Variants in IGF2R observed in about 807,000 individuals in gnomAD.
The protein encoded by IGF2R is cation-independent mannose-6-phosphate receptor.
Under a neutral mutation model 270.6 loss-of-function variants are expected in IGF2R, and 91 were observed. The observed-to-expected ratio is 0.34, with a 90% CI of 0.28 to 0.40. The LOEUF (loss-of-function observed/expected upper bound fraction) is 0.40, where lower values mean the gene tolerates loss of function less well. Ranked by LOEUF, IGF2R falls within the 10% of genes least tolerant of loss-of-function variation. The pLI, the probability that IGF2R is intolerant of heterozygous loss-of-function variation, is 1.00. For missense variants in IGF2R, 2,805 were observed against 3,188.3 expected, an observed-to-expected ratio of 0.88 and a Z score of 2.90; for synonymous variants, 1,316 against 1,258.9, an observed-to-expected ratio of 1.05 and a Z score of -0.96.
intron 7 of IGF2R, 38 bp from the exon 8 acceptor site, chr6:160,032,513 C>T (rs201236689): frequency 5.8e-5 from 92 of 1,587,568 alleles, no homozygotes; most frequent in Non-Finnish European, 7.1e-5. Flanking sequence ...CTGCATGAAA[C>T]ATTTTTTATT....
At position 160,063,485 on chromosome 6, in the gene IGF2R, C is replaced by T; in HGVS notation, c.3741C>T (p.Asp1247=). ...LYDLKPLGLN[D]TIVSAGEYTY... ...ACCTGAAGCCCCTGGGCCTCAACGA[C>T]ACCATCGTGAGCGCTGGCGAATACA... The change falls in exon 27 of 48, where the codon GAC becomes GAT. Residue 1247 remains aspartate (D), a synonymous_variant. Transcript: ENST00000356956. 6.2e-7 allele frequency: 1 copy of T among 1,613,792 alleles called. No homozygotes were observed. Among genetic ancestry groups the T allele is most frequent in the Non-Finnish European group, 8.5e-7 (1 of 1,180,030 alleles).
intron 22 of IGF2R, among the ~76,000 whole-genome samples, chr6:160,059,573 AAC>A (rs1778389026): frequency 6.6e-6 from 1 of 152,220 alleles, no homozygotes; most frequent in Non-Finnish European, 1.5e-5. Context: ...GCCTGTATTC[AAC>A]ACAGCAGTCA....
chr6:159,977,430 G>T (rs967299358), intron 1 of IGF2R, among the ~76,000 whole-genome samples: 12 of 152,316 alleles, frequency 7.9e-5, no homozygotes, highest in African/African-American at 2.9e-4. Context: ...GGCAGGATGT[G>T]CCTCTGTGGC....
intron 16 of IGF2R, 118 bp downstream of exon 16, chr6:160,047,454 A>AT (rs1778094859): frequency 1.1e-6 from 1 of 892,552 alleles, no homozygotes; most frequent in Non-Finnish European, 1.7e-6. Context: ...CCGTCATTAG[A>AT]TTTGCCAGGG....
At chr6:159,993,098 G>T (rs1583246798) in intron 2 of IGF2R, among the ~76,000 whole-genome samples, 1 of 152,052 alleles carries the variant, frequency 6.6e-6, no homozygotes, top group African/African-American at 2.4e-5. Flanking sequence ...TTTTAAAGGG[G>T]TTCTTTTTTT....
At chr6:159,982,893 T>C (rs915545719) in intron 1 of IGF2R, among the ~76,000 whole-genome samples, 5 of 152,224 alleles carry the variant, frequency 3.3e-5, no homozygotes, top group African/African-American at 1.2e-4. Context: ...TTACATACTT[T>C]AGATGCTAGC....
At chr6:160,043,727 T>G (rs1777999716) in intron 12 of IGF2R, among the ~76,000 whole-genome samples, 1 of 152,244 alleles carries the variant, frequency 6.6e-6, no homozygotes, top group Non-Finnish European at 1.5e-5. Context: ...CCTTTTGCTG[T>G]CATTGTTTTG....
intron 6 of IGF2R, among the ~76,000 whole-genome samples, chr6:160,028,865 C>T (rs186540377): frequency 1.1e-4 from 16 of 151,414 alleles, no homozygotes; most frequent in Admixed American, 5.3e-4. Flanking sequence ...CATTTACAAC[C>T]GTTTTTTGCT....
chr6:160,007,585 A>G (rs1784264103), intron 2 of IGF2R: 1 of 152,098 alleles, frequency 6.6e-6, no homozygotes, highest in Admixed American at 6.5e-5. Context: ...TTTTCTTTTC[A>G]TTGGATATTA....
At position 160,096,564 on chromosome 6, in the gene IGF2R, C is replaced by T; in HGVS notation, c.6781C>T (p.His2261Tyr). 6.2e-7 allele frequency: 1 copy of T among 1,614,180 alleles called. No homozygotes were observed. The highest frequency in any genetic ancestry group is 8.5e-7 in the Non-Finnish European group (1 of 1,180,016). ...GGAGGACGGGATCCCCGAGTTCAGT[C>T]ACGAGACTGCCGACTGCCAGTACCT... ...LVEDGIPEFSHETADCQYLFS... is the reference protein window; with the variant it reads ...LVEDGIPEFSYETADCQYLFS... Residue 2261 changes from histidine to tyrosine, a missense_variant, in exon 45 of 48, where the codon CAC becomes TAC. Coordinates refer to ENST00000356956, the MANE Select transcript of IGF2R (RefSeq NM_000876.4).
chr6:160,088,595 C>A (rs1779146115), intron 42 of IGF2R, among the ~76,000 whole-genome samples: 1 of 152,110 alleles, frequency 6.6e-6, no homozygotes, highest in Non-Finnish European at 1.5e-5. Context: ...GCTTGGCCAA[C>A]AGAGGGTGCA....
intron 1 of IGF2R, among the ~76,000 whole-genome samples, chr6:159,978,759 G>A (rs1226515999): frequency 2.0e-5 from 3 of 152,124 alleles, no homozygotes; most frequent in Non-Finnish European, 2.9e-5. Flanking sequence ...ACTTTCCTGT[G>A]ACTCCTCCAG....
At chr6:160,078,751 C>T (rs1778910038) in intron 37 of IGF2R, among the ~76,000 whole-genome samples, 1 of 152,160 alleles carries the variant, frequency 6.6e-6, no homozygotes, top group Admixed American at 6.5e-5. Flanking sequence ...TTTAATTCCT[C>T]CAACCTGGTT....
chr6:160,017,556 T>C (rs1237985262), intron 4 of IGF2R, among the ~76,000 whole-genome samples: 4 of 152,142 alleles, frequency 2.6e-5, no homozygotes, highest in Admixed American at 6.5e-5. Flanking sequence ...CCACAACATA[T>C]AGCCATGAGA....
At chr6:160,013,410 TAA>T (rs34643864) in intron 4 of IGF2R, among the ~76,000 whole-genome samples, 5,201 of 87,600 alleles carry the variant, frequency 0.059, 129 homozygotes, top group Middle Eastern at 0.15. Flanking sequence ...TGGTTCTTTG[TAA>T]AAAAAAAAAA....
At chr6:160,008,669 G>T (rs1784284786) in intron 2 of IGF2R, among the ~76,000 whole-genome samples, 1 of 152,202 alleles carries the variant, frequency 6.6e-6, no homozygotes, top group Admixed American at 6.5e-5. Context: ...CGAGGGATGA[G>T]ACTAGTGTGG....
rs546686832 is a variant in IGF2R, at chr6:160,011,551, G to GTTTT, written c.513+780_513+783dup. On this transcript the variant is annotated intron_variant, in intron 4 of 47. Coordinates refer to ENST00000356956, the MANE Select transcript of IGF2R (RefSeq NM_000876.4). ...ACATATGTGTTACCTCACATATTTCGTTTTTTTTTTTTTTTTTGTGAGGAC... is the reference window on the plus strand; with the variant it reads ...ACATATGTGTTACCTCACATATTTCGTTTTTTTTTTTTTTTTTTTTTGTGAGGAC... Among the ~76,000 whole-genome samples the GTTTT allele has an allele frequency of 1.3e-4, 15 of 119,674 alleles. No homozygotes were observed. The East Asian group carries it at 1.5e-3, about 12-fold the overall frequency. The allele number at this position is 119,674 out of a possible 152,430, so 78.5% of individuals were successfully genotyped here.
intron 45 of IGF2R, among the ~76,000 whole-genome samples, chr6:160,099,900 A>C (rs1779445630): frequency 6.6e-6 from 1 of 152,240 alleles, no homozygotes; most frequent in Admixed American, 6.5e-5. Context: ...GAAAGAAATG[A>C]AGGAAGGAAG....
chr6:160,068,524 G>T, intron 30 of IGF2R, 139 bp downstream of exon 30: 1 of 1,416,288 alleles, frequency 7.1e-7, no homozygotes, highest in Non-Finnish European at 9.6e-7. Flanking sequence ...GGGCCTCCTC[G>T]TGGGGTGGTG....
Sources: gnomAD v4.1 joint callset for allele counts (sites outside exome capture counted in the v4.1 genomes callset) on GRCh38, gnomAD v4.1.1 for gene constraint, MANE v1.5 for transcripts, NCBI Gene and HGNC (gene_info 2026-07-23, HGNC 2026-07-21) for gene names.